Variants in SAMMSON observed in about 807,000 individuals in gnomAD.
SAMMSON encodes the protein survival associated mitochondrial melanoma specific oncogenic non-coding RNA.
At chr3:70,256,737 TCTAA>T (rs1384341968) in intron 6 of SAMMSON, among the ~76,000 whole-genome samples, 3 of 152,176 alleles carry the variant, frequency 2.0e-5, no homozygotes, top group Non-Finnish European at 4.4e-5. Context: ...TCTAGGTCAT[TCTAA>T]CTGTCAGGAA....
chr3:70,258,248 A>T (rs533422140), intron 6 of SAMMSON, among the ~76,000 whole-genome samples: 5 of 152,168 alleles, frequency 3.3e-5, no homozygotes, highest in Admixed American at 3.3e-4. Flanking sequence ...AATTTCTTAG[A>T]TCAGACACCA....
At chr3:70,124,007 G>T (rs1335204717) in intron 4 of SAMMSON, among the ~76,000 whole-genome samples, 1 of 152,220 alleles carries the variant, frequency 6.6e-6, no homozygotes. Flanking sequence ...TTGGGCGGAT[G>T]CCCGGAAGAC....
intron 4 of SAMMSON, among the ~76,000 whole-genome samples, chr3:70,195,588 G>A (rs962295418): frequency 6.6e-6 from 1 of 152,204 alleles, no homozygotes; most frequent in Middle Eastern, 3.4e-3. Context: ...AGGTATTTTG[G>A]AGCTTTCTTT....
chr3:70,039,648 C>T (rs922372356), intron 3 of SAMMSON, among the ~76,000 whole-genome samples: 1 of 145,932 alleles, frequency 6.9e-6, no homozygotes, highest in Non-Finnish European at 1.5e-5. Context: ...CACACACTTT[C>T]TATTGGTTTT....
intron 4 of SAMMSON, chr3:70,126,940 C>G (rs905942564): frequency 6.5e-6 from 1 of 153,654 alleles, no homozygotes; most frequent in African/African-American, 2.4e-5. Flanking sequence ...GTCTTGAACT[C>G]CTGACTTCAC....
intron 2 of SAMMSON, among the ~76,000 whole-genome samples, chr3:70,415,077 G>T (rs760886576): frequency 4.6e-5 from 7 of 151,758 alleles, no homozygotes; most frequent in Non-Finnish European, 8.8e-5. Flanking sequence ...AATGAGGGGG[G>T]GTCCCAAGGG....
chr3:70,120,774 C>A (rs2067429503), intron 4 of SAMMSON: 1 of 152,214 alleles, frequency 6.6e-6, no homozygotes, highest in South Asian at 2.1e-4. Flanking sequence ...CAGGGATGCA[C>A]TGAAGCAATG....
chr3:70,425,575 C>T (rs1417104386), intron 2 of SAMMSON, among the ~76,000 whole-genome samples: 1 of 95,198 alleles, frequency 1.1e-5, no homozygotes, highest in Non-Finnish European at 2.1e-5. Flanking sequence ...CCACGCCCAG[C>T]TATTTTTTTT....
intron 3 of SAMMSON, among the ~76,000 whole-genome samples, chr3:70,042,455 GT>G (rs1380728251): frequency 3.3e-5 from 5 of 151,992 alleles, no homozygotes; most frequent in African/African-American, 1.2e-4. Flanking sequence ...ATTCAAGCAT[GT>G]TTTTTTGTTG....
At chr3:70,176,972 GGTCTATGAGAT>G (rs1304507442) in intron 4 of SAMMSON, among the ~76,000 whole-genome samples, 12 of 152,104 alleles carry the variant, frequency 7.9e-5, no homozygotes, top group African/African-American at 2.9e-4. Flanking sequence ...TTTTATTAAA[GGTCTATGAGAT>G]GTTTGCTTTA....
chr3:70,292,611 A>G (rs949893610), intron 7 of SAMMSON, among the ~76,000 whole-genome samples: 6 of 152,086 alleles, frequency 3.9e-5, no homozygotes, highest in African/African-American at 1.4e-4. Context: ...TTGCTTTTGG[A>G]TGAGTTTTTC....
Position 70,221,872 on chromosome 3 carries a change from A to T in SAMMSON, n.508-27235A>T, listed in dbSNP as rs181179204. ...AATTGAGGTTTTGTCGTTACTTTCAATTGGAAAAACCGCAATTTGTGCCAA... is the reference window on the plus strand; with the variant it reads ...AATTGAGGTTTTGTCGTTACTTTCATTTGGAAAAACCGCAATTTGTGCCAA... On this transcript the variant is annotated intron_variant and non_coding_transcript_variant, in intron 4 of 9. Transcript: ENST00000642114. Among the ~76,000 whole-genome samples, 106 of 152,274 alleles carry T rather than the reference A, an allele frequency of 7.0e-4. 1 individual carries two copies. Among genetic ancestry groups the T allele is most frequent in the Admixed American group, 1.6e-3 (25 of 15,288 alleles).
rs144790219 is a variant in SAMMSON, at chr3:70,115,710, CA to C, written n.507+44146del. On this transcript the variant is annotated intron_variant and non_coding_transcript_variant, in intron 4 of 9. Transcript: ENST00000642114. ...CCCCTCTATTCTATGAGTCTACAGACATAGGAATTTATTCCCTTATTCTTGT... is the reference window on the plus strand; with the variant it reads ...CCCCTCTATTCTATGAGTCTACAGACTAGGAATTTATTCCCTTATTCTTGT... Among the ~76,000 whole-genome samples, 68 of 152,226 alleles carry C rather than the reference CA, an allele frequency of 4.5e-4. No homozygotes were observed. In the East Asian group the frequency reaches 0.013, roughly 28 times the overall value.
intron 4 of SAMMSON, among the ~76,000 whole-genome samples, chr3:70,239,834 C>T (rs560318893): frequency 2.6e-5 from 4 of 152,102 alleles, no homozygotes; most frequent in Admixed American, 6.6e-5. Flanking sequence ...GTGAGTCCAG[C>T]GTCTGGCAGA....
chr3:70,058,525 G>T (rs2067175947), intron 3 of SAMMSON, among the ~76,000 whole-genome samples: 1 of 152,010 alleles, frequency 6.6e-6, no homozygotes, highest in South Asian at 2.1e-4. Context: ...CCCAGTTCTA[G>T]TCTCAGTCCA....
intron 7 of SAMMSON, among the ~76,000 whole-genome samples, chr3:70,347,841 G>T (rs534218263): frequency 9.9e-5 from 15 of 152,248 alleles, no homozygotes; most frequent in Non-Finnish European, 1.3e-4. Flanking sequence ...CCAGGAAATT[G>T]AGACCAGCTT....
At chr3:70,130,775 A>T (rs906564615) in intron 4 of SAMMSON, among the ~76,000 whole-genome samples, 2 of 152,096 alleles carry the variant, frequency 1.3e-5, no homozygotes, top group African/African-American at 4.8e-5. Flanking sequence ...GAGTGAATGA[A>T]CTTTTAGATG....
intron 6 of SAMMSON, among the ~76,000 whole-genome samples, chr3:70,281,148 G>A (rs1702078781): frequency 2.0e-5 from 3 of 152,102 alleles, no homozygotes; most frequent in Admixed American, 2.0e-4. Flanking sequence ...GGGTAAAGAG[G>A]AAATTTTCTC....
At chr3:70,026,627 A>G (rs1487296625) in intron 3 of SAMMSON, among the ~76,000 whole-genome samples, 1 of 152,304 alleles carries the variant, frequency 6.6e-6, no homozygotes, top group South Asian at 2.1e-4. Flanking sequence ...AAGATCACAT[A>G]ATATGATAAT....
Sources: allele counts gnomAD v4.1 joint callset (sites outside exome capture counted in the v4.1 genomes callset), GRCh38; gene constraint gnomAD v4.1.1; transcripts MANE v1.5; gene names NCBI Gene and HGNC (gene_info 2026-07-23, HGNC 2026-07-21).